Variants in ZFP64 observed in about 807,000 individuals in gnomAD.
ZFP64 encodes ZFP64 zinc finger protein, also known as zinc finger protein 64.
A neutral mutation model predicts 51.6 loss-of-function variants in ZFP64; 14 were observed. The observed-to-expected ratio is 0.27, with a 90% CI of 0.18 to 0.42. The LOEUF (loss-of-function observed/expected upper bound fraction) is 0.42. ZFP64 is among the 10% of genes least tolerant of loss of function. The pLI, the probability that ZFP64 is intolerant of heterozygous loss-of-function variation, is 1.00. For synonymous variants in ZFP64, 375 were observed against 361.4 expected (o/e 1.04, Z -0.43); for missense variants, 754 against 906.8 (o/e 0.83, Z 2.16).
intron 5 of ZFP64, among the ~76,000 whole-genome samples, chr20:52,129,910 A>G (rs1410697505): frequency 1.3e-5 from 2 of 152,110 alleles, no homozygotes; most frequent in East Asian, 3.9e-4. Context: ...ATTGTTTATT[A>G]TTATAATAAA....
downstream of ZFP64, among the ~76,000 whole-genome samples, chr20:52,147,821 C>T (rs577145208): frequency 1.8e-3 from 277 of 152,166 alleles, no homozygotes; most frequent in African/African-American, 6.4e-3. Context: ...GCAAGACCAG[C>T]CTGGTCCACA....
At chr20:52,107,589 A>C (rs1978339021) in intron 5 of ZFP64, among the ~76,000 whole-genome samples, 1 of 152,234 alleles carries the variant, frequency 6.6e-6, no homozygotes, top group Non-Finnish European at 1.5e-5. Flanking sequence ...TTCCTTAAAA[A>C]AACAATTTTA....
At chr20:52,110,564 G>A (rs1313286481) in intron 5 of ZFP64, 11 of 717,484 alleles carry the variant, frequency 1.5e-5, no homozygotes, top group Non-Finnish European at 2.8e-5. Flanking sequence ...ACACTTGAGA[G>A]GTGGTCCTGC....
chr20:52,183,818 C>T (rs565812168), intron 2 of ZFP64, among the ~76,000 whole-genome samples: 6 of 152,174 alleles, frequency 3.9e-5, no homozygotes, highest in Non-Finnish European at 7.4e-5. Context: ...AAAATTCAAA[C>T]ATCACCCTAG....
chr20:52,173,541 T>C (rs1005644397), intron 2 of ZFP64, among the ~76,000 whole-genome samples: 8 of 152,182 alleles, frequency 5.3e-5, no homozygotes, highest in Admixed American at 5.2e-4. Flanking sequence ...TGAGCTATGA[T>C]TGCACCACTG....
intron 7 of ZFP64, among the ~76,000 whole-genome samples, chr20:52,092,963 A>G (rs1302194263): frequency 6.6e-6 from 1 of 152,138 alleles, no homozygotes; most frequent in Non-Finnish European, 1.5e-5. Flanking sequence ...ATTTGCTGTA[A>G]CTTATGGGGA....
intron 7 of ZFP64, among the ~76,000 whole-genome samples, chr20:52,092,092 T>G (rs2078933882): frequency 6.6e-6 from 1 of 152,202 alleles, no homozygotes; most frequent in Non-Finnish European, 1.5e-5. Flanking sequence ...GTGCACAGTA[T>G]GCAATTCAAG....
Position 52,088,406 on chromosome 20 carries a change from AG to A in ZFP64, c.1213del (p.Leu405CysfsTer25). The A allele has an allele frequency of 6.2e-7, 1 of 1,606,000 alleles. No individual in the cohort carries two copies. The highest frequency in any genetic ancestry group is 8.5e-7 in the Non-Finnish European group (1 of 1,176,794). On this transcript the variant is annotated frameshift_variant, in exon 8 of 9. Transcript: ENST00000361387. LOFTEE classifies it high-confidence loss of function. ...CAGGGACTCACCCGTGTGAGATCGCAGGTGGACGGTGAGCTGGCTGGAGTTG... is the reference window on the plus strand; with the variant it reads ...CAGGGACTCACCCGTGTGAGATCGCAGTGGACGGTGAGCTGGCTGGAGTTG...
chr20:52,145,297 T>A (rs1980469082), intron 5 of ZFP64, among the ~76,000 whole-genome samples: 1 of 152,212 alleles, frequency 6.6e-6, no homozygotes, highest in Non-Finnish European at 1.5e-5. Flanking sequence ...ATGTGCTGAG[T>A]ACTATAGGTA....
In ZFP64 at chr20:52,122,503, CAA is replaced by C. The variant is rs71192596; in HGVS notation, c.764-23918_764-23917del. On this transcript the variant is annotated intron_variant, in intron 5 of 8. Coordinates refer to the ZFP64 transcript ENST00000361387. ...CCTGGGAGACAGTGAGACTCCGTCT[CAA>C]AAAAAAAAAAAAAAAAAGAAATACA... Among the ~76,000 whole-genome samples the C allele has an allele frequency of 9.5e-3, 866 of 91,114 alleles. 3 individuals carry two copies. Among genetic ancestry groups the C allele is most frequent in the Middle Eastern group, 0.016 (3 of 192 alleles). 59.8% of individuals were successfully genotyped at this position (91,114 alleles called of 152,430 possible).
In ZFP64 at chr20:52,151,980, T is replaced by C. The variant is rs1253754958; in HGVS notation, c.*166A>G. On this transcript the variant is annotated 3_prime_UTR_variant, in exon 6 of 6. Transcript: ENST00000216923. ...TGAACCTGGGAGGCGGACGTTGCAG[T>C]GAGCCAAGATAGCGCCACTGCACTC... The C allele has an allele frequency of 6.9e-5, 96 of 1,382,898 alleles. 3 individuals carry two copies. The Admixed American group carries it at 9.5e-4, about 14-fold the overall frequency. The allele number at this position is 1,382,898 out of a possible 1,614,324, so 85.7% of individuals were successfully genotyped here.
At chr20:52,140,174 T>A (rs1320979476) in intron 5 of ZFP64, among the ~76,000 whole-genome samples, 1 of 152,130 alleles carries the variant, frequency 6.6e-6, no homozygotes, top group Non-Finnish European at 1.5e-5. Context: ...TGAGCTTCCC[T>A]ATTCCCTGAG....
At chr20:52,178,292 C>A (rs1428841258) in intron 2 of ZFP64, among the ~76,000 whole-genome samples, 2 of 152,112 alleles carry the variant, frequency 1.3e-5, no homozygotes, top group Non-Finnish European at 2.9e-5. Flanking sequence ...GTTTTGCAAC[C>A]AGACAGCCTG....
rs1480689428 is a variant in ZFP64, at chr20:52,160,025, A to G, written c.763+98T>C. 3.2e-6 allele frequency: 5 copies of G among 1,567,678 alleles called. No individual in the cohort carries two copies. Among genetic ancestry groups the G allele is most frequent in the Non-Finnish European group, 4.3e-6 (5 of 1,157,884 alleles). ...AACAACGGGATGAGCAAAGGTTCCA[A>G]CTCGATTTCTTACATTGTGGCTGAA... is the stretch of plus-strand genomic sequence containing the variant. On this transcript the variant is annotated intron_variant, in intron 5 of 5. Transcript: ENST00000216923. This position sits in a 1 kb window ranked among gnomAD's most constrained non-coding sequence, Gnocchi z 4.2.
At chr20:52,098,414 C>T (rs1238651054) in intron 6 of ZFP64, 1 of 1,612,440 alleles carries the variant, frequency 6.2e-7, no homozygotes, top group Admixed American at 1.7e-5. Context: ...AGAAGCGGCT[C>T]AGCACGCAGG....
intron 5 of ZFP64, chr20:52,105,223 C>A: frequency 1.5e-6 from 2 of 1,357,336 alleles, no homozygotes; most frequent in Non-Finnish European, 1.9e-6. Flanking sequence ...GCTTGGCCTG[C>A]TTGCGCCGCG....
intron 3 of ZFP64, 129 bp downstream of exon 3, chr20:52,165,735 G>T (rs1982208218): frequency 8.1e-7 from 1 of 1,233,042 alleles, no homozygotes. Flanking sequence ...ATGCCAGGGG[G>T]CTCTGATTTT....
intron 5 of ZFP64, among the ~76,000 whole-genome samples, chr20:52,127,224 A>G (rs377384223): frequency 6.6e-6 from 1 of 152,174 alleles, no homozygotes; most frequent in African/African-American, 2.4e-5. Flanking sequence ...TGCTGGGATT[A>G]CAGTTGTGAG....
At chr20:52,092,622 G>A (rs1241464795) in intron 7 of ZFP64, among the ~76,000 whole-genome samples, 2 of 152,228 alleles carry the variant, frequency 1.3e-5, no homozygotes, top group African/African-American at 4.8e-5. Flanking sequence ...GGCCAAGGCA[G>A]GCGGATCCGC....
Sources: gnomAD v4.1 joint callset for allele counts (sites outside exome capture counted in the v4.1 genomes callset) on GRCh38, gnomAD v4.1.1 for gene constraint, Gnocchi (gnomAD v3.1) non-coding constraint, MANE v1.5 for transcripts, NCBI Gene and HGNC (gene_info 2026-07-23, HGNC 2026-07-21) for gene names.